BMPER: variants seen among roughly 807,000 people sequenced by gnomAD.
BMPER encodes the protein BMP binding endothelial regulator.
Under a neutral mutation model 87.3 loss-of-function variants are expected in BMPER, and 45 were observed. The observed-to-expected ratio is 0.52, with a 90% CI of 0.41 to 0.66. BMPER has a LOEUF of 0.66. Ranked by LOEUF, BMPER falls within the 30% of genes least tolerant of loss-of-function variation. The pLI, the probability that BMPER is intolerant of heterozygous loss-of-function variation, is 0.00. For missense variants in BMPER, 784 were observed against 867.5 expected, an observed-to-expected ratio of 0.90 and a Z score of 1.21; for synonymous variants, 326 against 316.2, an observed-to-expected ratio of 1.03 and a Z score of -0.33.
At chr7:34,005,069 T>C (rs759376286) in intron 6 of BMPER, among the ~76,000 whole-genome samples, 1 of 152,124 alleles carries the variant, frequency 6.6e-6, no homozygotes, top group African/African-American at 2.4e-5. Flanking sequence ...TTTTAACAAA[T>C]GCACTGGGGT....
Position 34,113,932 on chromosome 7 carries a change from G to T in BMPER, c.1745+27840G>T, listed in dbSNP as rs528831802. 3.4e-4 allele frequency among the ~76,000 whole-genome samples: 52 copies of T among 152,254 alleles called. No homozygotes were observed. The South Asian group carries it at 0.011, about 31-fold the overall frequency. ...TTTTTCCTGCTAGTTTCTTCTTCCA[G>T]TGGTTTTAAGTACAACTGTTCCTGT... On this transcript the variant is annotated intron_variant, in intron 13 of 14. Coordinates refer to ENST00000649409, the MANE Select transcript of BMPER (RefSeq NM_001365308.1).
At chr7:33,930,211 T>G (rs1784450078) in intron 2 of BMPER, among the ~76,000 whole-genome samples, 1 of 152,206 alleles carries the variant, frequency 6.6e-6, no homozygotes. Context: ...TCTATTTTTT[T>G]TCAAGTTCTG....
Position 34,078,854 on chromosome 7 carries a change from C to T in BMPER, c.1079-3C>T, listed in dbSNP as rs1327917180. The T allele has an allele frequency of 6.2e-7, 1 of 1,614,174 alleles. No homozygotes were observed. The highest frequency in any genetic ancestry group is 1.7e-5 in the Admixed American group (1 of 60,032). On this transcript the variant is annotated splice_region_variant and splice_polypyrimidine_tract_variant and intron_variant, in intron 11 of 14. Coordinates refer to ENST00000649409, the MANE Select transcript of BMPER (RefSeq NM_001365308.1). ...CCGGCTTTTGTCTCTCACTCCTCCGCAGAGCCCGGCGTTTGCACGGTGTTT... is the reference window on the plus strand; with the variant it reads ...CCGGCTTTTGTCTCTCACTCCTCCGTAGAGCCCGGCGTTTGCACGGTGTTT...
chr7:33,906,180 A>G (rs777744955), intron 1 of BMPER, among the ~76,000 whole-genome samples: 33 of 152,164 alleles, frequency 2.2e-4, no homozygotes, highest in Non-Finnish European at 4.0e-4. Context: ...TAAAGAAACT[A>G]TCATTTAAAA....
chr7:33,945,691 C>A (rs1784877861), intron 3 of BMPER, among the ~76,000 whole-genome samples: 1 of 152,176 alleles, frequency 6.6e-6, no homozygotes, highest in Admixed American at 6.5e-5. Context: ...ACCTTTACCT[C>A]CATCTGTTAT....
In BMPER at chr7:34,060,136, A is replaced by G. The variant is rs117941923; in HGVS notation, c.1033-1866A>G. On this transcript the variant is annotated intron_variant, in intron 10 of 14. Coordinates refer to ENST00000649409, the MANE Select transcript of BMPER (RefSeq NM_001365308.1). ...TGACCAGAGTCTTACGGCTAATTGC[A>G]TATTACACAGGTGCTCTGACTTTAC... Among the ~76,000 whole-genome samples, 95 of 152,226 alleles carry G rather than the reference A, an allele frequency of 6.2e-4. No homozygotes were observed. The East Asian group carries it at 0.017, about 27-fold the overall frequency.
chr7:33,972,809 C>T (rs566568509), intron 5 of BMPER, among the ~76,000 whole-genome samples: 1 of 152,370 alleles, frequency 6.6e-6, no homozygotes, highest in African/African-American at 2.4e-5. Flanking sequence ...GATCATGAAT[C>T]AATTTCATTC....
chr7:34,015,787 A>T (rs1787005831), intron 6 of BMPER, among the ~76,000 whole-genome samples: 1 of 151,920 alleles, frequency 6.6e-6, no homozygotes, highest in Non-Finnish European at 1.5e-5. Flanking sequence ...TATTTCCTGA[A>T]TCTAGAGCTC....
intron 6 of BMPER, among the ~76,000 whole-genome samples, chr7:34,008,806 A>C (rs1172089243): frequency 6.6e-6 from 1 of 151,768 alleles, no homozygotes; most frequent in Non-Finnish European, 1.5e-5. Context: ...GTATCCACTC[A>C]GCCCTACTTT....
intron 11 of BMPER, among the ~76,000 whole-genome samples, chr7:34,064,048 C>T (rs374472496): frequency 1.3e-5 from 2 of 152,204 alleles, no homozygotes; most frequent in African/African-American, 2.4e-5. Flanking sequence ...TGCCTGTAAT[C>T]GGGAGGCCGA....
intron 6 of BMPER, among the ~76,000 whole-genome samples, chr7:33,990,051 A>G (rs2127924943): frequency 6.6e-6 from 1 of 151,896 alleles, no homozygotes; most frequent in South Asian, 2.1e-4. Flanking sequence ...AGGTAGTGTG[A>G]TGCCTCCAGC....
intron 6 of BMPER, among the ~76,000 whole-genome samples, chr7:34,039,354 C>T (rs1470821705): frequency 6.6e-6 from 1 of 152,074 alleles, no homozygotes; most frequent in Non-Finnish European, 1.5e-5. Flanking sequence ...GAATCATTGG[C>T]CTAGTACTCT....
At chr7:33,937,534 G>GTGTGTGTGTGTA (rs1452615062) in intron 3 of BMPER, 146 bp downstream of exon 3, 2 of 735,304 alleles carry the variant, frequency 2.7e-6, no homozygotes, top group East Asian at 5.5e-5. Context: ...GTGTGTGTGT[G>GTGTGTGTGTGTA]TGTATGTGTG....
chr7:33,916,839 T>C (rs895141088), intron 2 of BMPER, among the ~76,000 whole-genome samples: 2 of 151,676 alleles, frequency 1.3e-5, no homozygotes, highest in Admixed American at 1.3e-4. Flanking sequence ...CTGTTTATAG[T>C]TGGGGTTGTT....
At chr7:34,110,389 A>G (rs1357216975) in intron 13 of BMPER, among the ~76,000 whole-genome samples, 2 of 152,164 alleles carry the variant, frequency 1.3e-5, no homozygotes, top group Admixed American at 1.3e-4. Context: ...AAGTGGATGC[A>G]CAGGTTAGCG....
intron 13 of BMPER, among the ~76,000 whole-genome samples, chr7:34,121,728 T>C (rs1399079806): frequency 6.6e-6 from 1 of 152,240 alleles, no homozygotes; most frequent in African/African-American, 2.4e-5. Flanking sequence ...GGAAAAAGCC[T>C]TCTCCTCTTA....
rs780210936 is a variant in BMPER, at chr7:33,905,597, A to T, written c.-17A>T. On this transcript the variant is annotated 5_prime_UTR_variant, in exon 1 of 15. Transcript: ENST00000649409. Reference sequence around the variant, plus strand: ...GGCGCGGGACCTGCAGTCGCCAGGGATTCCCTCCAGGTGACGATGCTCTGG... The same window carrying T: ...GGCGCGGGACCTGCAGTCGCCAGGGTTTCCCTCCAGGTGACGATGCTCTGG... 3 of 1,610,738 alleles carry T rather than the reference A, an allele frequency of 1.9e-6. No homozygotes were observed. The highest frequency in any genetic ancestry group is 1.7e-5 in the Admixed American group (1 of 59,956).
intron 7 of BMPER, among the ~76,000 whole-genome samples, chr7:34,047,435 C>T (rs1316448650): frequency 1.3e-5 from 2 of 151,930 alleles, no homozygotes; most frequent in Admixed American, 6.6e-5. Context: ...CGTGCCACCA[C>T]ACCCAGCTAA....
chr7:33,952,656 G>A (rs1284364072), intron 3 of BMPER, among the ~76,000 whole-genome samples: 1 of 152,206 alleles, frequency 6.6e-6, no homozygotes, highest in Non-Finnish European at 1.5e-5. Flanking sequence ...ATGCATGAGT[G>A]TGCAGGCATC....
Sources: allele counts gnomAD v4.1 joint callset (sites outside exome capture counted in the v4.1 genomes callset), GRCh38; gene constraint gnomAD v4.1.1; transcripts MANE v1.5; gene names NCBI Gene and HGNC (gene_info 2026-07-23, HGNC 2026-07-21).